ERH: variants seen among roughly 807,000 people sequenced by gnomAD.
The protein encoded by ERH is ERH mRNA splicing and mitosis factor, also known as enhancer of rudimentary homolog.
ERH carries 1 observed loss-of-function variant against 16.8 expected under a neutral mutation model. That is an observed-to-expected ratio of 0.06 (90% CI 0.02 to 0.28). ERH has a LOEUF of 0.28. ERH is among the 10% of genes least tolerant of loss of function. ERH has a pLI of 1.00. For synonymous variants in ERH, 43 were observed against 43.6 expected, an observed-to-expected ratio of 0.99 and a Z score of 0.05; for missense variants, 42 against 127.5, an observed-to-expected ratio of 0.33 and a Z score of 3.23.
chr14:69,393,620 G>C (rs184019382), intron 2 of ERH, among the ~76,000 whole-genome samples: 457 of 152,030 alleles, frequency 3.0e-3, no homozygotes, highest in African/African-American at 0.01. Context: ...TGTGCACATG[G>C]ACAGACAGAG....
intron 2 of ERH, among the ~76,000 whole-genome samples, chr14:69,387,373 C>A (rs1174275320): frequency 6.6e-6 from 1 of 151,980 alleles, no homozygotes; most frequent in African/African-American, 2.4e-5. Context: ...CCTGCCTGGG[C>A]AACACAGGGA....
At chr14:69,382,789 C>CAAAAAAAAAA (rs1278831093) in intron 3 of ERH, among the ~76,000 whole-genome samples, 5 of 103,130 alleles carry the variant, frequency 4.8e-5, no homozygotes, top group African/African-American at 1.9e-4. Context: ...ACTCTATCTC[C>CAAAAAAAAAA]AAAAGAAAAA....
At chr14:69,383,083 T>C (rs1454570246) in intron 3 of ERH, among the ~76,000 whole-genome samples, 1 of 152,212 alleles carries the variant, frequency 6.6e-6, no homozygotes, top group African/African-American at 2.4e-5. Context: ...TAAATGTTCT[T>C]TATGTCTCTA....
Position 69,397,830 on chromosome 14 carries a change from A to G in ERH, c.3+401T>C, listed in dbSNP as rs192017457. Among the ~76,000 whole-genome samples the G allele has an allele frequency of 3.0e-3, 457 of 152,032 alleles. 4 individuals carry two copies. The highest frequency in any genetic ancestry group is 0.011 in the African/African-American group (445 of 41,470). ...CTACTAGGGAGGCTGAGACAGGAGAATTGCTTCAACCCAGGAGGCAGAGGT... is the reference window on the plus strand; with the variant it reads ...CTACTAGGGAGGCTGAGACAGGAGAGTTGCTTCAACCCAGGAGGCAGAGGT... On this transcript the variant is annotated intron_variant, in intron 1 of 3. Coordinates refer to ENST00000557016, the MANE Select transcript of ERH (RefSeq NM_004450.3).
At chr14:69,388,607 G>A (rs61982361) in intron 2 of ERH, among the ~76,000 whole-genome samples, 3 of 152,010 alleles carry the variant, frequency 2.0e-5, no homozygotes, top group South Asian at 4.1e-4. Context: ...GGTGATCAGC[G>A]TGCCTCAGCC....
In ERH at chr14:69,380,531, A is replaced by G. The variant is rs1358980136; in HGVS notation, c.*7T>C. 1 of 1,354,872 alleles carries G rather than the reference A, an allele frequency of 7.4e-7. No individual in the cohort carries two copies. The allele number at this position is 1,354,872 out of a possible 1,614,324, so 83.9% of individuals were successfully genotyped here. A position where few individuals can be genotyped will look rare whatever the true frequency, so the allele number is the denominator to read the frequency against. On this transcript the variant is annotated 3_prime_UTR_variant, in exon 4 of 4. Transcript: ENST00000557016. ...CCACCCCAACCCCCCCAGTGCTTCC[A>G]ACACAATTATTTCCCAGCCTGTTGG...
chr14:69,386,006 C>T (rs2045890263), intron 3 of ERH, among the ~76,000 whole-genome samples: 1 of 152,250 alleles, frequency 6.6e-6, no homozygotes, highest in South Asian at 2.1e-4. Context: ...TCTACACTAG[C>T]TGTCCCTCAT....
rs2045853164 is a variant in ERH at position 69,380,329 on chromosome 14, A to T, written c.*209T>A. On this transcript the variant is annotated 3_prime_UTR_variant, in exon 4 of 4. Coordinates refer to ENST00000557016, the MANE Select transcript of ERH (RefSeq NM_004450.3). ...TAAATCATCATAAAAATGTTTAAGT[A>T]AAAAAAAAAAAAGAAAGAGAAAGAA... is the stretch of plus-strand genomic sequence containing the variant. 2.8e-5 allele frequency: 4 copies of T among 145,060 alleles called. No homozygotes were observed. Among genetic ancestry groups the T allele is most frequent in the Non-Finnish European group, 5.9e-5 (4 of 67,990 alleles). 9.0% of individuals were successfully genotyped at this position (145,060 alleles called of 1,614,324 possible). A position where few individuals can be genotyped will look rare whatever the true frequency, so the allele number is the denominator to read the frequency against.
chr14:69,391,808 G>A (rs1236413753), intron 2 of ERH, among the ~76,000 whole-genome samples: 1 of 152,048 alleles, frequency 6.6e-6, no homozygotes, highest in Non-Finnish European at 1.5e-5. Context: ...TGGTGGCAGG[G>A]AAGGAGGTAT....
intron 1 of ERH, 92 bp from the exon 2 acceptor site, chr14:69,395,004 T>C (rs1021371755): frequency 1.2e-5 from 10 of 852,984 alleles, no homozygotes; most frequent in South Asian, 1.1e-4. Flanking sequence ...GCAATAATGA[T>C]TGCTAGTTAT....
chr14:69,383,780 T>C (rs552788465), intron 3 of ERH, among the ~76,000 whole-genome samples: 19 of 152,342 alleles, frequency 1.2e-4, no homozygotes, highest in Middle Eastern at 3.4e-3. Flanking sequence ...TTTCCCCCTA[T>C]GTTGCTTTAA....
In ERH at chr14:69,398,283, A is replaced by G. The variant is rs758310125; in HGVS notation, c.-50T>C. 5 of 1,613,536 alleles carry G rather than the reference A, an allele frequency of 3.1e-6. No individual in the cohort carries two copies. The Admixed American group carries it at 5.0e-5, about 16-fold the overall frequency. On this transcript the variant is annotated 5_prime_UTR_variant, in exon 1 of 4. Transcript: ENST00000557016. ...CAGCTGCCGACACCGCCGCCGTTAC[A>G]CGAGCTTAACTACAACGCCGCTAAC... is the stretch of plus-strand genomic sequence containing the variant.
intron 1 of ERH, among the ~76,000 whole-genome samples, chr14:69,396,740 T>C (rs1882343773): frequency 6.6e-6 from 1 of 152,176 alleles, no homozygotes; most frequent in Admixed American, 6.5e-5. Flanking sequence ...GGGTTTGACA[T>C]AAAAACGGAA....
chr14:69,398,164 G>T (rs1037324047), intron 1 of ERH, 67 bp downstream of exon 1: 2 of 1,600,636 alleles, frequency 1.2e-6, no homozygotes, highest in African/African-American at 1.3e-5. Context: ...AGGGGAAAAC[G>T]TATGGGGCTG....
intron 1 of ERH, among the ~76,000 whole-genome samples, chr14:69,395,859 A>T (rs1882321834): frequency 6.6e-6 from 1 of 152,248 alleles, no homozygotes; most frequent in African/African-American, 2.4e-5. Flanking sequence ...TCACACTATG[A>T]GAAATGTGAA....
chr14:69,384,501 T>A (rs1566899448), intron 3 of ERH, among the ~76,000 whole-genome samples: 1 of 152,268 alleles, frequency 6.6e-6, no homozygotes, highest in African/African-American at 2.4e-5. Flanking sequence ...TAAAACATGA[T>A]CCTTTGCTTC....
At chr14:69,389,108 C>T (rs1448507107) in intron 2 of ERH, among the ~76,000 whole-genome samples, 3 of 152,108 alleles carry the variant, frequency 2.0e-5, no homozygotes, top group East Asian at 3.9e-4. Context: ...GCAACCTCTG[C>T]CTCCCGGATT....
chr14:69,398,265 C>G lies in ERH; in HGVS notation c.-32G>C. ...AAACTCTCTTCGCTACAGCAGCTGC[C>G]GACACCGCCGCCGTTACACGAGCTT... On this transcript the variant is annotated 5_prime_UTR_variant, in exon 1 of 4. Transcript: ENST00000557016. 2 of 1,612,904 alleles carry G rather than the reference C, an allele frequency of 1.2e-6. No individual in the cohort carries two copies. The highest frequency in any genetic ancestry group is 1.7e-6 in the Non-Finnish European group (2 of 1,179,762).
In ERH at chr14:69,387,429, G is replaced by A. The variant is rs574369027; in HGVS notation, c.92-346C>T. 1.6e-4 allele frequency among the ~76,000 whole-genome samples: 24 copies of A among 152,112 alleles called. No homozygotes were observed. The South Asian group carries it at 2.9e-3, about 18-fold the overall frequency. On this transcript the variant is annotated intron_variant, in intron 2 of 3. Coordinates refer to ENST00000557016, the MANE Select transcript of ERH (RefSeq NM_004450.3). ...TAAAAAATTAGCCAGGCGTGATGGCGTGTGCTTGTGGTCCCAGCTACCTGG... is the reference window on the plus strand; with the variant it reads ...TAAAAAATTAGCCAGGCGTGATGGCATGTGCTTGTGGTCCCAGCTACCTGG...
Sources: allele counts gnomAD v4.1 joint callset (sites outside exome capture counted in the v4.1 genomes callset), GRCh38; gene constraint gnomAD v4.1.1; transcripts MANE v1.5; gene names NCBI Gene and HGNC (gene_info 2026-07-23, HGNC 2026-07-21).